The following SEMA6A variants were observed in gnomAD, a reference collection of about 807,000 sequenced individuals.
SEMA6A encodes the protein semaphorin-6A.
SEMA6A carries 25 observed loss-of-function variants against 96.8 expected under a neutral mutation model. The ratio of observed to expected loss-of-function variants is 0.26; its 90% confidence interval spans 0.19 to 0.36. The LOEUF (loss-of-function observed/expected upper bound fraction) is 0.36, where lower values mean the gene tolerates loss of function less well. SEMA6A is among the 10% of genes least tolerant of loss of function. The pLI is 1.00. For synonymous variants in SEMA6A, 612 were observed against 518.0 expected (o/e 1.18, Z -2.46); for missense variants, 1,363 against 1,323.1 (o/e 1.03, Z -0.47).
chr5:116,494,199 A>G (rs1204171501), intron 6 of SEMA6A, among the ~76,000 whole-genome samples: 1 of 152,148 alleles, frequency 6.6e-6, no homozygotes, highest in Non-Finnish European at 1.5e-5. Context: ...CAGTCACACA[A>G]TTCAGAATCA....
chr5:116,569,753 T>C (rs1351807190), intron 1 of SEMA6A, among the ~76,000 whole-genome samples: 3 of 152,074 alleles, frequency 2.0e-5, no homozygotes, highest in Non-Finnish European at 2.9e-5. Flanking sequence ...AGAACTAAAT[T>C]TGGGGGCCGG....
chr5:116,571,562 G>A (rs559323262), intron 1 of SEMA6A, among the ~76,000 whole-genome samples: 12 of 152,180 alleles, frequency 7.9e-5, no homozygotes, highest in African/African-American at 2.6e-4. Flanking sequence ...ATTCAAGAAC[G>A]TCCCAAAACC....
chr5:116,540,685 G>T (rs1206857286), intron 1 of SEMA6A, among the ~76,000 whole-genome samples: 5 of 152,138 alleles, frequency 3.3e-5, no homozygotes, highest in Admixed American at 3.3e-4. Context: ...CTGATGTTGT[G>T]TATATGCATG....
At chr5:116,524,287 C>T (rs17140027) in intron 1 of SEMA6A, among the ~76,000 whole-genome samples, 1,779 of 152,226 alleles carry the variant, frequency 0.012, 31 homozygotes, top group Middle Eastern at 0.044. Flanking sequence ...TCAACTGTGC[C>T]CTGGTAACCT....
At chr5:116,487,101 AAAAAAAG>A in intron 9 of SEMA6A, 135 bp from the exon 10 acceptor site, 1 of 634,416 alleles carries the variant, frequency 1.6e-6, no homozygotes, top group Non-Finnish European at 2.7e-6. Context: ...GTAACAAAAA[AAAAAAAG>A]AAAGAAAAGA....
At chr5:116,502,567 G>A in intron 2 of SEMA6A, 1 of 445,914 alleles carries the variant, frequency 2.2e-6, no homozygotes. Context: ...ATATTTCTAA[G>A]TGTCACAATT....
chr5:116,522,771 C>T (rs1050196993), intron 1 of SEMA6A, among the ~76,000 whole-genome samples: 8 of 152,080 alleles, frequency 5.3e-5, no homozygotes, highest in Non-Finnish European at 1.2e-4. Context: ...TCTGGGCAGG[C>T]ACCTGCCCCC....
intron 1 of SEMA6A, among the ~76,000 whole-genome samples, chr5:116,547,726 C>A: frequency 9.6e-6 from 1 of 104,634 alleles, no homozygotes; most frequent in African/African-American, 3.9e-5. Context: ...TGCTATGTAT[C>A]TGATACTTAA....
chr5:116,512,859 C>T (rs925228412), intron 1 of SEMA6A, among the ~76,000 whole-genome samples: 2 of 152,202 alleles, frequency 1.3e-5, no homozygotes, highest in South Asian at 4.1e-4. Flanking sequence ...GTGGCAAACT[C>T]TGTCTTTATC....
intron 15 of SEMA6A, 62 bp from the exon 16 acceptor site, chr5:116,475,665 T>C: frequency 8.0e-7 from 1 of 1,246,770 alleles, no homozygotes. Flanking sequence ...TCTTCAGAAA[T>C]GAGTCAAGCT....
At chr5:116,500,734 G>T (rs1757837233) in intron 3 of SEMA6A, among the ~76,000 whole-genome samples, 1 of 152,164 alleles carries the variant, frequency 6.6e-6, no homozygotes, top group Non-Finnish European at 1.5e-5. Flanking sequence ...ACCGGGCATG[G>T]TGGCTCACAC....
chr5:116,461,501 A>T (rs572635208), intron 18 of SEMA6A, among the ~76,000 whole-genome samples: 1 of 152,036 alleles, frequency 6.6e-6, no homozygotes, highest in African/African-American at 2.4e-5. Context: ...AAAAAATAAA[A>T]GCCTGAGTTT....
chr5:116,449,176 C>T (rs180703788), intron 18 of SEMA6A: 15 of 576,878 alleles, frequency 2.6e-5, no homozygotes, highest in East Asian at 5.8e-5. Flanking sequence ...TTGATGCAGT[C>T]GCTAAAAAAT....
chr5:116,505,687 G>C (rs1448455651), intron 1 of SEMA6A, among the ~76,000 whole-genome samples: 1 of 152,128 alleles, frequency 6.6e-6, no homozygotes, highest in Non-Finnish European at 1.5e-5. Flanking sequence ...AAACGGTATT[G>C]TTGATTTAAA....
At chr5:116,495,537 T>G (rs1299049690) in intron 5 of SEMA6A, 23 bp from the exon 6 acceptor site, 1 of 1,496,860 alleles carries the variant, frequency 6.7e-7, no homozygotes, top group Admixed American at 1.9e-5. Context: ...TCAAACTGTT[T>G]TGTATCATGT....
intron 18 of SEMA6A, among the ~76,000 whole-genome samples, chr5:116,458,924 A>T (rs892413656): frequency 1.1e-4 from 16 of 152,158 alleles, no homozygotes; most frequent in African/African-American, 3.9e-4. Context: ...CAAACATGGA[A>T]ACCCACATCA....
intron 1 of SEMA6A, chr5:116,562,673 G>A: frequency 4.2e-6 from 3 of 712,552 alleles, no homozygotes; most frequent in Non-Finnish European, 8.0e-6. Context: ...ACCCTTCAAT[G>A]ACACTTTTGT....
chr5:116,534,750 G>T (rs1399324080), intron 1 of SEMA6A, among the ~76,000 whole-genome samples: 1 of 152,192 alleles, frequency 6.6e-6, no homozygotes, highest in African/African-American at 2.4e-5. Context: ...TGAGTTCCTT[G>T]AGTCCTTGGA....
At chr5:116,547,962 C>T (rs560350733) in intron 1 of SEMA6A, among the ~76,000 whole-genome samples, 3 of 152,246 alleles carry the variant, frequency 2.0e-5, no homozygotes, top group East Asian at 1.9e-4. Flanking sequence ...CCCGGCCTCA[C>T]ATTTGTGCTG....
Sources: gnomAD v4.1 joint callset for allele counts (sites outside exome capture counted in the v4.1 genomes callset) on GRCh38, gnomAD v4.1.1 for gene constraint, MANE v1.5 for transcripts, NCBI Gene and HGNC (gene_info 2026-07-23, HGNC 2026-07-21) for gene names.